The following AOPEP variants were observed in gnomAD, a reference collection of about 807,000 sequenced individuals.
The protein encoded by AOPEP is aminopeptidase O.
Under a neutral mutation model 98.1 loss-of-function variants are expected in AOPEP, and 77 were observed. The ratio of observed to expected loss-of-function variants is 0.78; its 90% CI spans 0.65 to 0.95. The LOEUF is 0.95. Ranked by LOEUF, AOPEP falls within the 40% of genes least tolerant of loss-of-function variation. The pLI is 0.00. For missense variants in AOPEP, 1,024 were observed against 1,024.7 expected (o/e 1.00, Z 0.01); for synonymous variants, 346 against 365.3 (o/e 0.95, Z 0.60).
intron 5 of AOPEP, among the ~76,000 whole-genome samples, chr9:94,848,620 T>C (rs1422753976): frequency 6.6e-6 from 1 of 150,410 alleles, no homozygotes; most frequent in Non-Finnish European, 1.5e-5. Context: ...AGATTCCCAC[T>C]CAAACAAACA....
At chr9:94,917,208 G>C (rs1442589943) in intron 5 of AOPEP, among the ~76,000 whole-genome samples, 1 of 152,174 alleles carries the variant, frequency 6.6e-6, no homozygotes, top group Non-Finnish European at 1.5e-5. Context: ...GGTCAGAAGG[G>C]ATGTATCCGC....
the AOPEP span, chr9:95,111,271 G>C: frequency 6.4e-7 from 1 of 1,552,654 alleles, no homozygotes; most frequent in Non-Finnish European, 8.6e-7. Context: ...TGGCCACCTC[G>C]GTGGGGACAG....
intron 5 of AOPEP, chr9:94,824,656 A>G (rs1854065821): frequency 2.0e-5 from 3 of 152,230 alleles, no homozygotes; most frequent in Non-Finnish European, 4.4e-5. Context: ...AAAATGTTTC[A>G]TTATTTGCAG....
the AOPEP span, among the ~76,000 whole-genome samples, chr9:95,105,410 T>C: frequency 3.9e-5 from 6 of 152,338 alleles, no homozygotes; most frequent in African/African-American, 1.4e-4. Context: ...AAGCTGTGTA[T>C]TTTCTGTATG....
At chr9:94,876,071 A>G (rs2135737300) in intron 5 of AOPEP, among the ~76,000 whole-genome samples, 1 of 152,336 alleles carries the variant, frequency 6.6e-6, no homozygotes, top group African/African-American at 2.4e-5. Context: ...AACAAGTCAC[A>G]ATTGAGGCAA....
chr9:94,917,166 C>A (rs1271366757), intron 5 of AOPEP, among the ~76,000 whole-genome samples: 1 of 152,074 alleles, frequency 6.6e-6, no homozygotes. Context: ...GCTGAGGTCT[C>A]CACAACGTTC....
chr9:94,837,231 C>T (rs2041714921), intron 5 of AOPEP, among the ~76,000 whole-genome samples: 1 of 152,050 alleles, frequency 6.6e-6, no homozygotes, highest in African/African-American at 2.4e-5. Context: ...CTGAACAGAA[C>T]AATAACAAGC....
chr9:94,871,384 C>T (rs1320748979), intron 5 of AOPEP, among the ~76,000 whole-genome samples: 1 of 152,250 alleles, frequency 6.6e-6, no homozygotes. Context: ...CGGGACATAC[C>T]ACCCTGCGTA....
At chr9:94,957,068 A>G (rs2058508654) in intron 9 of AOPEP, among the ~76,000 whole-genome samples, 2 of 152,166 alleles carry the variant, frequency 1.3e-5, no homozygotes, top group Non-Finnish European at 1.5e-5. Context: ...GCTTGAAGCC[A>G]CTTCTCACCA....
At chr9:94,947,196 T>G (rs975743456) in intron 7 of AOPEP, among the ~76,000 whole-genome samples, 1 of 151,774 alleles carries the variant, frequency 6.6e-6, no homozygotes, top group Non-Finnish European at 1.5e-5. Flanking sequence ...TTAGCCAGGA[T>G]GGTCTCAATC....
chr9:95,058,500 C>T (rs1417557131), intron 13 of AOPEP, among the ~76,000 whole-genome samples: 1 of 152,190 alleles, frequency 6.6e-6, no homozygotes, highest in Non-Finnish European at 1.5e-5. Flanking sequence ...AATCACTTCT[C>T]TGTGAGGCTG....
At chr9:94,798,410 C>T (rs1363803800) in intron 4 of AOPEP, among the ~76,000 whole-genome samples, 1 of 152,116 alleles carries the variant, frequency 6.6e-6, no homozygotes, top group Non-Finnish European at 1.5e-5. Context: ...GAGAACTTAC[C>T]GTGGAGTCAG....
intron 13 of AOPEP, chr9:95,021,812 A>G (rs998652980): frequency 2.0e-5 from 3 of 152,238 alleles, no homozygotes; most frequent in Non-Finnish European, 4.4e-5. Flanking sequence ...GCCCTCGTTT[A>G]TGGAAGAGTC....
chr9:94,867,068 C>G (rs935547383), intron 5 of AOPEP, among the ~76,000 whole-genome samples: 2 of 152,116 alleles, frequency 1.3e-5, no homozygotes, highest in Non-Finnish European at 2.9e-5. Context: ...CACATTAGTC[C>G]ATATTGTATT....
chr9:94,906,046 G>T (rs1279627560), intron 5 of AOPEP, among the ~76,000 whole-genome samples: 1 of 152,144 alleles, frequency 6.6e-6, no homozygotes, highest in Non-Finnish European at 1.5e-5. Context: ...AAAAAGTAAA[G>T]AATTTTGTTT....
At chr9:94,815,781 G>A (rs1851582571) in intron 5 of AOPEP, among the ~76,000 whole-genome samples, 1 of 152,118 alleles carries the variant, frequency 6.6e-6, no homozygotes, top group Non-Finnish European at 1.5e-5. Flanking sequence ...GCAGGGTGCT[G>A]CTCATAGTAA....
the AOPEP span, among the ~76,000 whole-genome samples, chr9:95,137,005 G>A: frequency 6.6e-6 from 1 of 152,074 alleles, no homozygotes; most frequent in Admixed American, 6.5e-5. Flanking sequence ...CTTCCCAGTG[G>A]GTGCTTTTCA....
intron 13 of AOPEP, among the ~76,000 whole-genome samples, chr9:95,007,907 T>C (rs2062161346): frequency 6.6e-6 from 1 of 152,234 alleles, no homozygotes; most frequent in Non-Finnish European, 1.5e-5. Flanking sequence ...GAACCTGTTA[T>C]TAGTAGGAGC....
the AOPEP span, chr9:95,123,545 G>C: frequency 1.9e-6 from 1 of 529,658 alleles, no homozygotes; most frequent in South Asian, 1.4e-5. Flanking sequence ...AAGGAACAAC[G>C]GTCGTACCAA....
Sources: gnomAD v4.1 joint callset for allele counts (sites outside exome capture counted in the v4.1 genomes callset) on GRCh38, gnomAD v4.1.1 for gene constraint, MANE v1.5 for transcripts, NCBI Gene and HGNC (gene_info 2026-07-23, HGNC 2026-07-21) for gene names.